Variants in DNAI7 observed in about 807,000 individuals in gnomAD.
The protein encoded by DNAI7 is cancer susceptibility 1.
A neutral mutation model predicts 86.6 loss-of-function variants in DNAI7; 78 were observed. The ratio of observed to expected loss-of-function variants is 0.90; its 90% confidence interval spans 0.75 to 1.09. DNAI7 has a LOEUF of 1.09. Ranked by LOEUF, DNAI7 falls within the 50% of genes least tolerant of loss-of-function variation. DNAI7 has a pLI of 0.00. For missense variants in DNAI7, 753 were observed against 810.2 expected, an observed-to-expected ratio of 0.93 and a Z score of 0.86; for synonymous variants, 274 against 273.0, an observed-to-expected ratio of 1.00 and a Z score of -0.04.
At chr12:25,173,961 T>C (rs1948456379) in intron 2 of DNAI7, among the ~76,000 whole-genome samples, 1 of 148,940 alleles carries the variant, frequency 6.7e-6, no homozygotes, top group Non-Finnish European at 1.5e-5. Context: ...ACATATATCA[T>C]ATATATGGAA....
chr12:25,124,719 TAG>T (rs1941861975), intron 9 of DNAI7, among the ~76,000 whole-genome samples: 1 of 152,152 alleles, frequency 6.6e-6, no homozygotes, highest in Admixed American at 6.6e-5. Context: ...TCTCATCACC[TAG>T]GTATGAAGCC....
chr12:25,157,635 A>C (rs1436914325), intron 4 of DNAI7, among the ~76,000 whole-genome samples: 1 of 152,160 alleles, frequency 6.6e-6, no homozygotes, highest in East Asian at 1.9e-4. Flanking sequence ...GCAGTTTAAA[A>C]TTTTTTAGTT....
intron 9 of DNAI7, among the ~76,000 whole-genome samples, chr12:25,142,340 T>G (rs923128495): frequency 4.6e-5 from 7 of 151,162 alleles, no homozygotes; most frequent in South Asian, 2.1e-4. Flanking sequence ...CTTTGGGGAC[T>G]CAAGGGAAGG....
In DNAI7 at chr12:25,108,675, G is replaced by GTAGAA; in HGVS notation, c.2037_2041dup (p.Thr681IlefsTer8). 2 of 1,613,546 alleles carry GTAGAA rather than the reference G, an allele frequency of 1.2e-6. No individual in the cohort carries two copies. The highest frequency in any genetic ancestry group is 1.7e-6 in the Non-Finnish European group (2 of 1,179,862). On this transcript the variant is annotated frameshift_variant, in exon 16 of 16. Transcript: ENST00000395987. LOFTEE classifies it low-confidence loss of function (END_TRUNC). ...AAAATCCTTCACCATGTGATATAAA[G>GTAGAA]TAGAATGAAACTCAGTTTCTTCTTT...
chr12:25,133,983 T>C (rs953077908), intron 9 of DNAI7, among the ~76,000 whole-genome samples: 31 of 152,184 alleles, frequency 2.0e-4, no homozygotes, highest in Non-Finnish European at 3.1e-4. Flanking sequence ...TCTTGGACTA[T>C]GTATTTGTTT....
intron 8 of DNAI7, among the ~76,000 whole-genome samples, chr12:25,145,387 T>C (rs754000087): frequency 4.6e-5 from 7 of 152,182 alleles, no homozygotes; most frequent in Non-Finnish European, 1.0e-4. Flanking sequence ...GTGAAACTTG[T>C]TCTGCCTGCA....
chr12:25,110,398 CTTTCTCTGAGA>C (rs1352331287), intron 14 of DNAI7, among the ~76,000 whole-genome samples, 158 bp from the exon 15 acceptor site: 1 of 152,192 alleles, frequency 6.6e-6, no homozygotes, highest in Non-Finnish European at 1.5e-5. Context: ...AATGGCTTTC[CTTTCTCTGAGA>C]ATAGAGTCCA....
At chr12:25,154,768 A>G (rs1222410632) in intron 5 of DNAI7, among the ~76,000 whole-genome samples, 1 of 152,194 alleles carries the variant, frequency 6.6e-6, no homozygotes, top group African/African-American at 2.4e-5. Flanking sequence ...TTATTTGCAA[A>G]GGCCAACACT....
chr12:25,174,847 G>T (rs1264139616), intron 2 of DNAI7, among the ~76,000 whole-genome samples: 1 of 151,024 alleles, frequency 6.6e-6, no homozygotes, highest in Non-Finnish European at 1.5e-5. Flanking sequence ...TATTCTAAGT[G>T]ATGTAACTCA....
At chr12:25,165,125 A>C (rs769076516) in intron 2 of DNAI7, among the ~76,000 whole-genome samples, 7 of 152,200 alleles carry the variant, frequency 4.6e-5, no homozygotes, top group Non-Finnish European at 1.0e-4. Context: ...TAAAAGGTCA[A>C]AAGGCCGTCT....
intron 14 of DNAI7, among the ~76,000 whole-genome samples, chr12:25,111,356 T>C (rs1019441470): frequency 1.3e-5 from 2 of 152,224 alleles, no homozygotes; most frequent in African/African-American, 4.8e-5. Context: ...CATGGAGGCT[T>C]TGCCAAGAAA....
At chr12:25,114,194 C>T (rs1323822489) in intron 13 of DNAI7, among the ~76,000 whole-genome samples, 1 of 152,142 alleles carries the variant, frequency 6.6e-6, no homozygotes, top group Non-Finnish European at 1.5e-5. Flanking sequence ...CCGCCTTGGC[C>T]TCCCAAAGTG....
chr12:25,176,013 GA>G (rs1484474791), intron 2 of DNAI7, among the ~76,000 whole-genome samples: 2 of 151,966 alleles, frequency 1.3e-5, no homozygotes, highest in African/African-American at 4.8e-5. Flanking sequence ...CTGGGAGGTG[GA>G]GATTGCAGGG....
chr12:25,149,723 G>A lies in DNAI7; in HGVS notation c.490C>T (p.Gln164Ter), dbSNP rs1166542284. ...TGGTACTGTATTATATTTTTATCTT[G>A]CAAATCACATGGTGGAGTTTCCAGT... ...ILLETPPCDL[Q>*]DKNIIQYQES... Residue 164 changes from glutamine (Q) to a stop codon, truncating the protein, a stop_gained, in exon 7 of 16, where the codon CAA becomes TAA. Coordinates refer to ENST00000395987, the MANE Select transcript of DNAI7 (RefSeq NM_018272.5). LOFTEE classifies it high-confidence loss of function. 4 of 1,562,346 alleles carry A rather than the reference G, an allele frequency of 2.6e-6. No individual in the cohort carries two copies. The South Asian group carries it at 4.5e-5, about 18-fold the overall frequency.
chr12:25,115,380 T>G (rs1939867029), intron 12 of DNAI7, among the ~76,000 whole-genome samples: 1 of 152,208 alleles, frequency 6.6e-6, no homozygotes, highest in South Asian at 2.1e-4. Flanking sequence ...ATCCCCTCAG[T>G]AAGATCCTTA....
At chr12:25,165,128 G>A (rs1446720382) in intron 2 of DNAI7, among the ~76,000 whole-genome samples, 3 of 152,070 alleles carry the variant, frequency 2.0e-5, no homozygotes, top group Non-Finnish European at 4.4e-5. Flanking sequence ...AAGGTCAAAA[G>A]GCCGTCTTAC....
At chr12:25,194,112 G>C (rs112939365) in intron 1 of DNAI7, among the ~76,000 whole-genome samples, 3 of 152,064 alleles carry the variant, frequency 2.0e-5, no homozygotes, top group African/African-American at 7.2e-5. Context: ...GAGCCACCGC[G>C]CCAGGCCTCC....
downstream of DNAI7, chr12:25,108,276 A>G: frequency 1.8e-6 from 1 of 570,282 alleles, no homozygotes; most frequent in Non-Finnish European, 3.0e-6. Flanking sequence ...CTTTTTAAGG[A>G]AGAAATATTA....
chr12:25,174,681 T>TATATATATGGAATATATATATC (rs1948748448), intron 2 of DNAI7, among the ~76,000 whole-genome samples: 1 of 59,040 alleles, frequency 1.7e-5, no homozygotes, highest in African/African-American at 7.6e-5. Flanking sequence ...ATATATATCA[T>TATATATATGGAATATATATATC]ATATATATGG....
Sources: gnomAD v4.1 joint callset for allele counts (sites outside exome capture counted in the v4.1 genomes callset) on GRCh38, gnomAD v4.1.1 for gene constraint, MANE v1.5 for transcripts, NCBI Gene and HGNC (gene_info 2026-07-23, HGNC 2026-07-21) for gene names.